SERPINA12: variants seen among roughly 807,000 people sequenced by gnomAD.
The protein encoded by SERPINA12 is serpin A12.
Under a neutral mutation model 25.9 loss-of-function variants are expected in SERPINA12, and 21 were observed. The ratio of observed to expected loss-of-function variants is 0.81; its 90% CI spans 0.58 to 1.17. The LOEUF (loss-of-function observed/expected upper bound fraction) is 1.17, where lower values mean the gene tolerates loss of function less well. SERPINA12 is among the 50% of genes most tolerant of loss of function. SERPINA12 has a pLI of 0.00. For missense variants in SERPINA12, 562 were observed against 508.3 expected (o/e 1.11, Z -1.02); for synonymous variants, 220 against 196.0 (o/e 1.12, Z -1.02).
chr14:94,510,317 A>G, upstream of SERPINA12: 1 of 941,802 alleles, frequency 1.1e-6, no homozygotes, highest in African/African-American at 1.8e-5. Flanking sequence ...GTAGAAGAGC[A>G]GAACAACAGA....
intron 3 of SERPINA12, among the ~76,000 whole-genome samples, chr14:94,494,364 G>A (rs565522068): frequency 1.3e-4 from 20 of 152,356 alleles, no homozygotes; most frequent in African/African-American, 4.8e-4. Context: ...CTGAACTGAT[G>A]TGACTCCTTT....
intron 2 of SERPINA12, among the ~76,000 whole-genome samples, chr14:94,514,470 T>C (rs6575439): frequency 0.48 from 73,218 of 151,216 alleles, 19,310 homozygotes; most frequent in African/African-American, 0.72. Context: ...TTATGGCTGG[T>C]GGAGGTGGGA....
At chr14:94,494,588 A>G (rs7153270) in intron 3 of SERPINA12, among the ~76,000 whole-genome samples, 3,026 of 152,252 alleles carry the variant, frequency 0.02, 94 homozygotes, top group African/African-American at 0.069. Context: ...CATCTTCTGC[A>G]GTGGAAGAGC....
chr14:94,509,249 G>T (rs1901038191), intron 1 of SERPINA12, among the ~76,000 whole-genome samples, 93 bp downstream of exon 1: 2 of 149,264 alleles, frequency 1.3e-5, no homozygotes. Flanking sequence ...CTTGGCCCTT[G>T]GTTGTCTTCT....
chr14:94,489,470 G>A (rs987512149), intron 4 of SERPINA12, 150 bp downstream of exon 4: 17 of 789,504 alleles, frequency 2.2e-5, no homozygotes, highest in African/African-American at 1.6e-4. Context: ...CCAGGATCAC[G>A]GGGTTGGTAA....
Position 94,497,748 on chromosome 14 carries a change from A to T in SERPINA12, c.634+16T>A, listed in dbSNP as rs1300089466. The T allele has an allele frequency of 6.3e-7, 1 of 1,582,454 alleles. No individual in the cohort carries two copies. Among genetic ancestry groups the T allele is most frequent in the Non-Finnish European group, 8.6e-7 (1 of 1,165,848 alleles). On this transcript the variant is annotated intron_variant, in intron 2 of 4. Transcript: ENST00000677451. Reference sequence around the variant, plus strand: ...GTCATCCTATTCTTTCCACACCAACATGCCAAAAGCCTTACCTCGAAAGAA... The same window carrying T: ...GTCATCCTATTCTTTCCACACCAACTTGCCAAAAGCCTTACCTCGAAAGAA...
intron 3 of SERPINA12, 124 bp from the exon 4 acceptor site, chr14:94,489,891 C>A (rs3736804): frequency 0.11 from 101,818 of 948,010 alleles, 6,157 homozygotes; most frequent in Middle Eastern, 0.17. Context: ...CTCTCTCCAT[C>A]CACAGAATGA....
chr14:94,502,367 A>C (rs1295487273), intron 1 of SERPINA12, among the ~76,000 whole-genome samples: 1 of 152,164 alleles, frequency 6.6e-6, no homozygotes, highest in Non-Finnish European at 1.5e-5. Context: ...TCTACACGAG[A>C]AGGGGTTTCC....
At chr14:94,503,235 G>C in intron 1 of SERPINA12, 2 of 985,070 alleles carry the variant, frequency 2.0e-6, no homozygotes, top group Non-Finnish European at 1.2e-6. Context: ...TTAGAAGTAA[G>C]AGAAGCCCCA....
intron 2 of SERPINA12, 25 bp from the exon 3 acceptor site, chr14:94,496,668 A>G (rs942480732): frequency 1.2e-6 from 2 of 1,608,804 alleles, no homozygotes; most frequent in African/African-American, 1.3e-5. Context: ...AGACAAACAG[A>G]CATGTTATCC....
intron 1 of SERPINA12, among the ~76,000 whole-genome samples, chr14:94,500,204 G>A (rs542169222): frequency 1.3e-5 from 2 of 152,194 alleles, no homozygotes; most frequent in African/African-American, 4.8e-5. Context: ...GGAGTTTGTA[G>A]TATAGTATTG....
Position 94,496,460 on chromosome 14 carries a change from A to G in SERPINA12, c.818T>C (p.Ile273Thr), listed in dbSNP as rs1313920158. The part of the protein sequence containing the change: ...PYQKNITAIF[I>T]LPDEGKLKHL... ...CTTCAGCTTGCCCTCATCAGGAAGG[A>G]TGAAGATGGCTGTGATATTTTTCTG... The change falls in exon 3 of 5, where the codon ATC (isoleucine) becomes ACC (threonine). Residue 273 changes from isoleucine (I) to threonine (T), a missense_variant. Coordinates refer to ENST00000677451, the MANE Select transcript of SERPINA12 (RefSeq NM_001382267.1). The G allele has an allele frequency of 2.5e-6, 4 of 1,614,170 alleles. No homozygotes were observed. Among genetic ancestry groups the G allele is most frequent in the Non-Finnish European group, 3.4e-6 (4 of 1,180,006 alleles).
chr14:94,496,275 C>A (rs1254060234), intron 3 of SERPINA12, 98 bp downstream of exon 3: 2 of 1,185,798 alleles, frequency 1.7e-6, no homozygotes, highest in African/African-American at 3.0e-5. Context: ...TTATAGAGCC[C>A]AGAAGAGGAC....
chr14:94,495,502 T>C (rs1487028331), intron 3 of SERPINA12, among the ~76,000 whole-genome samples: 1 of 152,236 alleles, frequency 6.6e-6, no homozygotes, highest in Non-Finnish European at 1.5e-5. Context: ...AGCTCAGTCC[T>C]AGCATCATCT....
intron 3 of SERPINA12, among the ~76,000 whole-genome samples, chr14:94,490,536 A>T (rs1438612504): frequency 1.3e-5 from 2 of 151,828 alleles, no homozygotes; most frequent in Non-Finnish European, 2.9e-5. Context: ...ATCATCCTTA[A>T]ACAGTGCCCC....
intron 1 of SERPINA12, 56 bp from the exon 2 acceptor site, chr14:94,498,486 A>C: frequency 7.2e-7 from 1 of 1,381,652 alleles, no homozygotes; most frequent in Non-Finnish European, 9.9e-7. Flanking sequence ...TGTTACCCAG[A>C]GGAAGACCAG....
intron 1 of SERPINA12, among the ~76,000 whole-genome samples, chr14:94,505,448 T>C (rs1289715075): frequency 6.6e-6 from 1 of 152,126 alleles, no homozygotes; most frequent in Non-Finnish European, 1.5e-5. Flanking sequence ...GATGCATGGG[T>C]CAAAGACACC....
At chr14:94,488,492 G>A (rs930170691) in intron 4 of SERPINA12, among the ~76,000 whole-genome samples, 9 of 151,938 alleles carry the variant, frequency 5.9e-5, no homozygotes, top group African/African-American at 1.7e-4. Flanking sequence ...TAACCCCAAA[G>A]TAGGGTTGCC....
Position 94,487,449 on chromosome 14 carries a change from C to T in SERPINA12, c.1099G>A (p.Gly367Arg). The T allele has an allele frequency of 4.3e-6, 7 of 1,614,104 alleles. No homozygotes were observed. The highest frequency in any genetic ancestry group is 5.9e-6 in the Non-Finnish European group (7 of 1,180,016). ...GTCTGTGCTCCGGTGCCAGCGGCCC[C>T]TTCCGTACCCCTCTCATCCATCTTC... Reference protein sequence around the residue: ...ELKMDERGTEGAAGTGAQTLP... With the variant: ...ELKMDERGTERAAGTGAQTLP... Residue 367 changes from glycine to arginine, a missense_variant, in exon 5 of 5, where the codon GGG becomes AGG. Coordinates refer to ENST00000677451, the MANE Select transcript of SERPINA12 (RefSeq NM_001382267.1).
Sources: allele counts gnomAD v4.1 joint callset (sites outside exome capture counted in the v4.1 genomes callset), GRCh38; gene constraint gnomAD v4.1.1; transcripts MANE v1.5; gene names NCBI Gene and HGNC (gene_info 2026-07-23, HGNC 2026-07-21).